ARHGAP44: variants seen among roughly 807,000 people sequenced by gnomAD.
ARHGAP44 encodes rho GTPase-activating protein 44.
Under a neutral mutation model 106.8 loss-of-function variants are expected in ARHGAP44, and 43 were observed. That is an observed-to-expected ratio of 0.40 (90% CI 0.32 to 0.52). ARHGAP44 has a LOEUF of 0.52. ARHGAP44 is among the 20% of genes least tolerant of loss of function. ARHGAP44 has a pLI of 0.48. For synonymous variants in ARHGAP44, 439 were observed against 410.3 expected (o/e 1.07, Z -0.85); for missense variants, 866 against 1,050.5 (o/e 0.82, Z 2.43).
intron 7 of ARHGAP44, among the ~76,000 whole-genome samples, chr17:12,930,425 C>T (rs1252912347): frequency 1.3e-5 from 2 of 151,956 alleles, no homozygotes; most frequent in Non-Finnish European, 2.9e-5. Context: ...TTAGTAGAGA[C>T]GGGGGTTTTA....
chr17:12,840,095 C>T (rs894223162), intron 1 of ARHGAP44, among the ~76,000 whole-genome samples: 1 of 152,014 alleles, frequency 6.6e-6, no homozygotes, highest in Non-Finnish European at 1.5e-5. Context: ...CACTTGATTT[C>T]TTAATTAATT....
rs1417307080 is a variant in ARHGAP44 at position 12,841,594 on chromosome 17, T to TCTCTCTCTCTCTCACACACACACACA, written c.53+51704_53+51705insTCTCTCTCTCTCACACACACACACAC. Among the ~76,000 whole-genome samples, 8 of 126,576 alleles carry TCTCTCTCTCTCTCACACACACACACA rather than the reference T, an allele frequency of 6.3e-5. No homozygotes were observed. The East Asian group carries it at 7.8e-4, about 12-fold the overall frequency. The allele number at this position is 126,576 out of a possible 152,430, so 83.0% of individuals were successfully genotyped here. ...GAGACCCTGTCTCTCTGTCTCTCTC[T>TCTCTCTCTCTCTCACACACACACACA]CACACACACACACACACACACACAC... On this transcript the variant is annotated intron_variant, in intron 1 of 20. Transcript: ENST00000379672.
intron 1 of ARHGAP44, among the ~76,000 whole-genome samples, chr17:12,804,802 C>T (rs2034224315): frequency 6.6e-6 from 1 of 152,188 alleles, no homozygotes; most frequent in African/African-American, 2.4e-5. Flanking sequence ...TACTTCTGCA[C>T]ACATCTGTCT....
intron 1 of ARHGAP44, among the ~76,000 whole-genome samples, chr17:12,842,431 A>G (rs989326089): frequency 4.5e-5 from 6 of 134,334 alleles, no homozygotes; most frequent in African/African-American, 7.5e-5. Flanking sequence ...AAAAAAAAAA[A>G]AAGAAAGAAA....
chr17:12,802,965 ATATATTTTTT>A (rs1447439405), intron 1 of ARHGAP44, among the ~76,000 whole-genome samples: 19 of 27,002 alleles, frequency 7.0e-4, no homozygotes, highest in South Asian at 1.9e-3. Context: ...ATATATATAT[ATATATTTTTT>A]TTTTTTTTTT....
chr17:12,945,415 G>A (rs550054732), intron 10 of ARHGAP44, among the ~76,000 whole-genome samples: 39 of 152,232 alleles, frequency 2.6e-4, no homozygotes, highest in African/African-American at 8.9e-4. Context: ...TCTTTACTCC[G>A]TCTTCCTTTG....
chr17:12,908,448 C>T (rs562835244), intron 3 of ARHGAP44, among the ~76,000 whole-genome samples: 39 of 152,212 alleles, frequency 2.6e-4, no homozygotes, highest in Middle Eastern at 3.4e-3. Flanking sequence ...CCACCCGCCT[C>T]GGCCTCTGCC....
chr17:12,898,574 C>T (rs143051671), intron 3 of ARHGAP44, among the ~76,000 whole-genome samples: 33 of 152,334 alleles, frequency 2.2e-4, no homozygotes, highest in African/African-American at 7.0e-4. Context: ...GGGTCAGCAG[C>T]TATGTGACGC....
At chr17:12,934,410 T>G (rs910350745) in intron 7 of ARHGAP44, among the ~76,000 whole-genome samples, 2 of 152,218 alleles carry the variant, frequency 1.3e-5, no homozygotes, top group Non-Finnish European at 2.9e-5. Flanking sequence ...CTACAATTCC[T>G]TACTACAAAA....
At position 12,807,970 on chromosome 17, in the gene ARHGAP44, C is replaced by T. The variant is rs138560804; in HGVS notation, c.53+18079C>T. On this transcript the variant is annotated intron_variant, in intron 1 of 20. Transcript: ENST00000379672. ...TGTGGATACAGGCATTGGGTAAATA[C>T]ACCCATTCCAAATGGGAGAAATTGA... is the stretch of plus-strand genomic sequence containing the variant. Among the ~76,000 whole-genome samples the T allele has an allele frequency of 4.2e-3, 637 of 152,348 alleles. 2 individuals are homozygous for T. Among genetic ancestry groups the T allele is most frequent in the African/African-American group, 0.014 (585 of 41,580 alleles).
At position 12,974,330 on chromosome 17, in the gene ARHGAP44, G is replaced by A; in HGVS notation, c.1763+20G>A. 2.2e-6 allele frequency: 3 copies of A among 1,387,012 alleles called. No individual in the cohort carries two copies. Among genetic ancestry groups the A allele is most frequent in the Non-Finnish European group, 2.8e-6 (3 of 1,077,238 alleles). 85.9% of individuals were successfully genotyped at this position (1,387,012 alleles called of 1,614,324 possible). On this transcript the variant is annotated intron_variant, in intron 18 of 20. Coordinates refer to ENST00000379672, the MANE Select transcript of ARHGAP44 (RefSeq NM_014859.6). ...CACCAGGTAAGCGCGGGCCACTGCC[G>A]TCCGGGCGGGCTGGTGTGCGGTGCA...
intron 16 of ARHGAP44, among the ~76,000 whole-genome samples, chr17:12,967,178 A>G (rs1340189753): frequency 1.4e-5 from 2 of 147,536 alleles, no homozygotes; most frequent in African/African-American, 2.5e-5. Context: ...AGGGTGTGTC[A>G]ATGCCTGGAC....
At chr17:12,910,971 A>G (rs542094746) in intron 4 of ARHGAP44, among the ~76,000 whole-genome samples, 10 of 151,962 alleles carry the variant, frequency 6.6e-5, no homozygotes, top group Admixed American at 2.6e-4. Context: ...AATAGGATAT[A>G]TAACTTTCAA....
chr17:12,790,231 G>C (rs912217249), intron 1 of ARHGAP44: 8 of 312,340 alleles, frequency 2.6e-5, no homozygotes, highest in Non-Finnish European at 4.7e-5. Context: ...CCTGGAAACA[G>C]GTGTTTGCTC....
intron 6 of ARHGAP44, among the ~76,000 whole-genome samples, chr17:12,928,295 A>G (rs2038302968): frequency 1.3e-5 from 2 of 152,366 alleles, no homozygotes; most frequent in African/African-American, 2.4e-5. Context: ...CAAGCCAAGA[A>G]GGTGAGGATT....
In ARHGAP44 at chr17:12,941,042, T is replaced by A. The variant is rs1467085545; in HGVS notation, c.583-14T>A. On this transcript the variant is annotated splice_polypyrimidine_tract_variant and intron_variant, in intron 7 of 20. Transcript: ENST00000379672. ...TTTATGTTTTACCTTGGTTGTATAT[T>A]TTACCTTGCACAGGACCAGCTCTCA... 6.2e-7 allele frequency: 1 copy of A among 1,613,588 alleles called. No homozygotes were observed. The highest frequency in any genetic ancestry group is 2.2e-5 in the East Asian group (1 of 44,880).
intron 1 of ARHGAP44, among the ~76,000 whole-genome samples, chr17:12,875,656 G>A (rs1416440888): frequency 6.6e-6 from 1 of 151,944 alleles, no homozygotes; most frequent in South Asian, 2.1e-4. Context: ...TTTAAGAAAT[G>A]TATTAGGCTG....
chr17:12,941,063 T>A lies in ARHGAP44; in HGVS notation c.590T>A (p.Leu197His), dbSNP rs1387607148. The change falls in exon 8 of 21, where the codon CTC becomes CAC. Residue 197 changes from leucine (L) to histidine (H), a missense_variant. Physicochemically the swap from Leu to His is moderately conservative, Grantham distance 99. Coordinates refer to ENST00000379672, the MANE Select transcript of ARHGAP44 (RefSeq NM_014859.6). The part of the protein sequence containing the change: ...ANRVEICRDQ[L>H]SADMYSFVAK... ...ATATTTTACCTTGCACAGGACCAGC[T>A]CTCAGCTGATATGTACAGTTTTGTG... 6.2e-6 allele frequency: 10 copies of A among 1,613,860 alleles called. No individual in the cohort carries two copies. The highest frequency in any genetic ancestry group is 1.3e-5 in the African/African-American group (1 of 74,928).
intron 6 of ARHGAP44, among the ~76,000 whole-genome samples, chr17:12,920,640 T>C (rs566256181): frequency 6.6e-6 from 1 of 152,106 alleles, no homozygotes; most frequent in South Asian, 2.1e-4. Flanking sequence ...GGAAGAGAAG[T>C]AGGAGGTGAG....
Sources: allele counts gnomAD v4.1 joint callset (sites outside exome capture counted in the v4.1 genomes callset), GRCh38; gene constraint gnomAD v4.1.1; transcripts MANE v1.5; gene names NCBI Gene and HGNC (gene_info 2026-07-23, HGNC 2026-07-21).